The following UBXN2A variants were observed in gnomAD, a reference collection of about 807,000 sequenced individuals.
UBXN2A encodes the protein UBX domain-containing protein 2A.
UBXN2A carries 28 observed loss-of-function variants against 28.4 expected under a neutral mutation model. The ratio of observed to expected loss-of-function variants is 0.99; its 90% CI spans 0.73 to 1.35. The LOEUF (loss-of-function observed/expected upper bound fraction) is 1.35. UBXN2A is among the 40% of genes most tolerant of loss of function. The pLI, the probability that UBXN2A is intolerant of heterozygous loss-of-function variation, is 0.00. For missense variants in UBXN2A, 253 were observed against 297.9 expected (o/e 0.85, Z 1.11); for synonymous variants, 97 against 103.6 (o/e 0.94, Z 0.39).
intron 3 of UBXN2A, among the ~76,000 whole-genome samples, chr2:23,975,182 G>A (rs76844655): frequency 0.049 from 7,517 of 152,182 alleles, 250 homozygotes; most frequent in Middle Eastern, 0.075. Flanking sequence ...AGTGATGCAT[G>A]AGTAAAAGAG....
At chr2:23,936,435 C>T (rs900937962), upstream of UBXN2A, among the ~76,000 whole-genome samples, 18 of 151,600 alleles carry the variant, frequency 1.2e-4, no homozygotes, top group Non-Finnish European at 2.4e-4. Flanking sequence ...ATAGGCTGTG[C>T]GTGGTGGCTC....
chr2:23,964,214 TC>T (rs113339603), intron 2 of UBXN2A, among the ~76,000 whole-genome samples: 17,995 of 148,242 alleles, frequency 0.12, 1,180 homozygotes, highest in Middle Eastern at 0.22. Flanking sequence ...TATTATCCAA[TC>T]CTTTTTTTTT....
chr2:23,932,403 A>C (rs756373295), intron 1 of UBXN2A, among the ~76,000 whole-genome samples: 1 of 152,178 alleles, frequency 6.6e-6, no homozygotes, highest in African/African-American at 2.4e-5. Context: ...ATCTAATGCA[A>C]ACATCCCGCA....
Position 23,987,981 on chromosome 2 carries a change from G to A in UBXN2A, c.584+3150G>A, listed in dbSNP as rs184992896. On this transcript the variant is annotated intron_variant, in intron 6 of 6. Coordinates refer to ENST00000309033, the MANE Select transcript of UBXN2A (RefSeq NM_181713.4). ...TACTAAAAATACAAAAAATTAGCTG[G>A]CCGTCGTGGCGTATGTCTGTAATCT... 8.0e-4 allele frequency among the ~76,000 whole-genome samples: 121 copies of A among 151,696 alleles called. 1 individual carries two copies. Among genetic ancestry groups the A allele is most frequent in the Admixed American group, 6.6e-3 (100 of 15,204 alleles).
At chr2:23,984,249 C>A (rs1318740228) in intron 5 of UBXN2A, among the ~76,000 whole-genome samples, 1 of 152,126 alleles carries the variant, frequency 6.6e-6, no homozygotes, top group African/African-American at 2.4e-5. Context: ...TGGATGCATC[C>A]TTCAGAATGA....
chr2:23,935,029 C>T (rs1364146340), intron 1 of UBXN2A, among the ~76,000 whole-genome samples: 1 of 151,960 alleles, frequency 6.6e-6, no homozygotes, highest in Admixed American at 6.6e-5. Flanking sequence ...GAGCCGAGAT[C>T]GCACCACTGC....
At chr2:23,944,931 A>G (rs1178515715) in intron 1 of UBXN2A, among the ~76,000 whole-genome samples, 1 of 152,196 alleles carries the variant, frequency 6.6e-6, no homozygotes, top group Non-Finnish European at 1.5e-5. Context: ...GAGAAAATAT[A>G]TAGCTTTTGA....
In UBXN2A at chr2:24,002,854, C is replaced by G. The variant is rs1447475462; in HGVS notation, c.*2987C>G. 6.6e-6 allele frequency: 1 copy of G among 152,162 alleles called. No homozygotes were observed. Among genetic ancestry groups the G allele is most frequent in the Non-Finnish European group, 1.5e-5 (1 of 68,050 alleles). 9.4% of individuals were successfully genotyped at this position (152,162 alleles called of 1,614,324 possible). A position where few individuals can be genotyped will look rare whatever the true frequency, so the allele number is the denominator to read the frequency against. ...TGTGCAGTCACATATCATGTAGACT[C>G]TGGAAAACACCTCTGTATACTGGTG... is the stretch of plus-strand genomic sequence containing the variant. On this transcript the variant is annotated 3_prime_UTR_variant, in exon 7 of 7. Coordinates refer to ENST00000309033, the MANE Select transcript of UBXN2A (RefSeq NM_181713.4).
At chr2:23,970,022 T>A (rs1220195388) in intron 2 of UBXN2A, among the ~76,000 whole-genome samples, 1 of 152,160 alleles carries the variant, frequency 6.6e-6, no homozygotes, top group Non-Finnish European at 1.5e-5. Flanking sequence ...CCAGGAGCAA[T>A]GGCTCACACC....
At chr2:23,940,404 GGCGCGCCCCCGCGTCCGC>G (rs1221240986), upstream of UBXN2A, 3 of 139,458 alleles carry the variant, frequency 2.2e-5, no homozygotes. Flanking sequence ...CCCCGCCCTC[GGCGCGCCCCCGCGTCCGC>G]GCGCGCTCCT....
chr2:23,934,097 T>C (rs183046935), intron 1 of UBXN2A, among the ~76,000 whole-genome samples: 147 of 151,932 alleles, frequency 9.7e-4, no homozygotes, highest in African/African-American at 3.5e-3. Flanking sequence ...ACGCCTGTAA[T>C]CCCAGCTACT....
intron 1 of UBXN2A, among the ~76,000 whole-genome samples, chr2:23,955,512 T>A (rs1048540292): frequency 2.6e-5 from 4 of 152,206 alleles, no homozygotes; most frequent in Non-Finnish European, 5.9e-5. Flanking sequence ...CCTGTGTCAC[T>A]TAATGAAGGG....
upstream of UBXN2A, among the ~76,000 whole-genome samples, chr2:23,939,365 C>T (rs1341827571): frequency 6.6e-6 from 1 of 152,164 alleles, no homozygotes; most frequent in Non-Finnish European, 1.5e-5. Context: ...CGGGAGAACT[C>T]TCCAACCATG....
chr2:23,971,438 CT>C, intron 3 of UBXN2A, 24 bp downstream of exon 3: 1 of 1,472,814 alleles, frequency 6.8e-7, no homozygotes, highest in Non-Finnish European at 9.1e-7. Flanking sequence ...TATTACTTTT[CT>C]TTTTCTTTCA....
intron 1 of UBXN2A, chr2:23,944,063 T>C (rs1705910305): frequency 1.6e-6 from 1 of 608,958 alleles, no homozygotes; most frequent in Admixed American, 2.1e-5. Context: ...TCTGCCACCA[T>C]GGCTCTGGTA....
At chr2:23,970,328 C>T (rs984973564) in intron 2 of UBXN2A, among the ~76,000 whole-genome samples, 1 of 152,136 alleles carries the variant, frequency 6.6e-6, no homozygotes, top group African/African-American at 2.4e-5. Context: ...ACATTTTCTA[C>T]TCCAGACCAG....
chr2:23,935,000 G>A (rs1705482346), intron 1 of UBXN2A, among the ~76,000 whole-genome samples: 1 of 152,050 alleles, frequency 6.6e-6, no homozygotes, highest in African/African-American at 2.4e-5. Flanking sequence ...ACTTGAACCT[G>A]GGAGGCAGAG....
At chr2:23,971,129 T>C (rs1573574606) in intron 2 of UBXN2A, 147 bp from the exon 3 acceptor site, 2 of 842,624 alleles carry the variant, frequency 2.4e-6, no homozygotes, top group Admixed American at 6.8e-5. Context: ...GGTTAATGAC[T>C]TCCCCAAGGT....
At chr2:23,982,191 C>T (rs534454520) in intron 4 of UBXN2A, among the ~76,000 whole-genome samples, 1 of 147,854 alleles carries the variant, frequency 6.8e-6, no homozygotes, top group Non-Finnish European at 1.5e-5. Flanking sequence ...AACTCCATCT[C>T]TACTAAAAAT....
Sources: allele counts gnomAD v4.1 joint callset (sites outside exome capture counted in the v4.1 genomes callset), GRCh38; gene constraint gnomAD v4.1.1; transcripts MANE v1.5; gene names NCBI Gene and HGNC (gene_info 2026-07-23, HGNC 2026-07-21).